The following B3GNT4 variants were observed in gnomAD, a reference collection of about 807,000 sequenced individuals.
B3GNT4 encodes UDP-GlcNAc:betaGal beta-1,3-N-acetylglucosaminyltransferase 4, also known as N-acetyllactosaminide beta-1,3-N-acetylglucosaminyltransferase 4.
A neutral mutation model predicts 2.7 loss-of-function variants in B3GNT4; 2 were observed. That is an observed-to-expected ratio of 0.73 (90% CI 0.30 to 2.31). The LOEUF is 2.31. B3GNT4 is among the 30% of genes most tolerant of loss of function. The probability of loss-of-function intolerance (pLI) is 0.12; values close to 1 mark genes in which losing one functional copy is unlikely to be tolerated. For synonymous variants in B3GNT4, 280 were observed against 203.4 expected, an observed-to-expected ratio of 1.38 and a Z score of -3.20; for missense variants, 708 against 490.9, an observed-to-expected ratio of 1.44 and a Z score of -4.18.
chr12:122,204,713 C>T (rs763678288), intron 2 of B3GNT4, 29 bp downstream of exon 2: 18 of 1,550,690 alleles, frequency 1.2e-5, no homozygotes, highest in Non-Finnish European at 1.6e-5. Context: ...CTCTGCCAGA[C>T]CCCCTTGTCC....
intron 2 of B3GNT4, chr12:122,206,027 T>A (rs1382584111): frequency 2.6e-6 from 1 of 390,198 alleles, no homozygotes; most frequent in Non-Finnish European, 4.5e-6. Context: ...CCTGGAAGAA[T>A]GGCTGGGAAC....
At position 122,206,410 on chromosome 12, in the gene B3GNT4, C is replaced by T. The variant is rs781325046; in HGVS notation, c.159C>T (p.Ala53=). ...LGCLLFLRKA[A]KPAGDPTAHQ... ...GCCTGCTCTTCCTGAGGAAGGCGGCCAAGCCCGCAGGAGACCCCACGGCCC... is the reference window on the plus strand; with the variant it reads ...GCCTGCTCTTCCTGAGGAAGGCGGCTAAGCCCGCAGGAGACCCCACGGCCC... Residue 53 remains alanine (A), a synonymous_variant, in exon 3 of 3, where the codon GCC becomes GCT. Coordinates refer to ENST00000324189, the MANE Select transcript of B3GNT4 (RefSeq NM_030765.4). 1.9e-6 allele frequency: 3 copies of T among 1,613,596 alleles called. No homozygotes were observed. Among genetic ancestry groups the T allele is most frequent in the Non-Finnish European group, 2.5e-6 (3 of 1,179,930 alleles).
At position 122,207,558 on chromosome 12, in the gene B3GNT4, T is replaced by C. The variant is rs1953951383; in HGVS notation, c.*170T>C. Reference sequence around the variant, plus strand: ...ACCCAGCTAACTTGTCCAGCATATGTTGAATGGGAGCCAAAGTGTAGCAAA... The same window carrying C: ...ACCCAGCTAACTTGTCCAGCATATGCTGAATGGGAGCCAAAGTGTAGCAAA... On this transcript the variant is annotated 3_prime_UTR_variant, in exon 3 of 3. Transcript: ENST00000324189. 2.8e-6 allele frequency: 2 copies of C among 710,970 alleles called. No individual in the cohort carries two copies. The highest frequency in any genetic ancestry group is 2.9e-5 in the Admixed American group (1 of 34,972). The allele number at this position is 710,970 out of a possible 1,614,324, so 44.0% of individuals were successfully genotyped here. A position where few individuals can be genotyped will look rare whatever the true frequency, so the allele number is the denominator to read the frequency against.
Position 122,208,366 on chromosome 12 carries a change from AGT to A in B3GNT4, c.*982_*983del. The A allele has an allele frequency of 1.2e-6, 2 of 1,611,118 alleles. No individual in the cohort carries two copies. Among genetic ancestry groups the A allele is most frequent in the Non-Finnish European group, 1.7e-6 (2 of 1,179,858 alleles). On this transcript the variant is annotated 3_prime_UTR_variant, in exon 3 of 3. Transcript: ENST00000324189. ...TCCCCACTGAGTGGGGAGACAGGGC[AGT>A]GTGCTCAGGCCCTCAATCCTCACGC...
intron 2 of B3GNT4, chr12:122,206,112 AGAG>A (rs1312701250): frequency 5.9e-6 from 3 of 504,962 alleles, no homozygotes; most frequent in Admixed American, 7.6e-5. Context: ...AGATGATGGC[AGAG>A]GAGGGCAAGG....
In B3GNT4 at chr12:122,208,445, T is replaced by G; in HGVS notation, c.*1057T>G. On this transcript the variant is annotated 3_prime_UTR_variant, in exon 3 of 3. Transcript: ENST00000324189. ...CCGCTCCTCCCCTTCCTCCTGTGTT[T>G]TCTGACGGAGCTCTTCTATCTGTGC... 1 of 1,614,070 alleles carries G rather than the reference T, an allele frequency of 6.2e-7. No individual in the cohort carries two copies.
At position 122,208,070 on chromosome 12, in the gene B3GNT4, A is replaced by G; in HGVS notation, c.*682A>G. The stretch of plus-strand genomic sequence containing the variant: ...TGCTGAACTTAAGGGCATGACAAAA[A>G]GGACTCCTCTCTCTGACCCAGGTAG... On this transcript the variant is annotated 3_prime_UTR_variant, in exon 3 of 3. Coordinates refer to ENST00000324189, the MANE Select transcript of B3GNT4 (RefSeq NM_030765.4). 3.4e-6 allele frequency: 2 copies of G among 587,982 alleles called. No individual in the cohort carries two copies. The highest frequency in any genetic ancestry group is 6.4e-6 in the Non-Finnish European group (2 of 313,648). 36.4% of individuals were successfully genotyped at this position (587,982 alleles called of 1,614,324 possible).
In B3GNT4 at chr12:122,207,483, T is replaced by C. The variant is rs1953950038; in HGVS notation, c.*95T>C. 6.4e-6 allele frequency: 8 copies of C among 1,254,818 alleles called. No homozygotes were observed. The highest frequency in any genetic ancestry group is 7.5e-6 in the Non-Finnish European group (7 of 932,990). The allele number at this position is 1,254,818 out of a possible 1,614,324, so 77.7% of individuals were successfully genotyped here. A position where few individuals can be genotyped will look rare whatever the true frequency, so the allele number is the denominator to read the frequency against. On this transcript the variant is annotated 3_prime_UTR_variant, in exon 3 of 3. Transcript: ENST00000324189. ...CTGCTGCTCTACAGAAAATGCCAAC[T>C]TGGTTTTTTAACTCCTCTCACCCTG...
Position 122,206,399 on chromosome 12 carries a change from A to G in B3GNT4, c.148A>G (p.Arg50Gly). Residue 50 changes from arginine (R) to glycine (G), a missense_variant, in exon 3 of 3, where the codon AGG (arginine) becomes GGG (glycine). Physicochemically the swap from Arg to Gly is moderately radical, Grantham distance 125. Transcript: ENST00000324189. The stretch of plus-strand genomic sequence containing the variant: ...GTTGCTCGGCTGCCTGCTCTTCCTG[A>G]GGAAGGCGGCCAAGCCCGCAGGAGA... ...VLLLGCLLFL[R>G]KAAKPAGDPT... 1 of 1,613,060 alleles carries G rather than the reference A, an allele frequency of 6.2e-7. No homozygotes were observed. Among genetic ancestry groups the G allele is most frequent in the Non-Finnish European group, 8.5e-7 (1 of 1,179,850 alleles).
Position 122,206,808 on chromosome 12 carries a change from T to C in B3GNT4, c.557T>C (p.Phe186Ser). ...REFDDILQWD[F>S]TEDFFNLTLK... ...TTTGATGACATCCTCCAGTGGGACTTCACTGAGGACTTCTTCAACCTGACG... is the reference window on the plus strand; with the variant it reads ...TTTGATGACATCCTCCAGTGGGACTCCACTGAGGACTTCTTCAACCTGACG... The change falls in exon 3 of 3, where the codon TTC becomes TCC. Residue 186 changes from phenylalanine to serine, a missense_variant. Transcript: ENST00000324189. The C allele has an allele frequency of 6.2e-7, 1 of 1,611,908 alleles. No homozygotes were observed. Among genetic ancestry groups the C allele is most frequent in the Non-Finnish European group, 8.5e-7 (1 of 1,179,030 alleles).
chr12:122,204,780 C>T, intron 2 of B3GNT4, 96 bp downstream of exon 2: 1 of 1,110,852 alleles, frequency 9.0e-7, no homozygotes, highest in South Asian at 1.4e-5. Flanking sequence ...TGGCTCACGC[C>T]TGTAGTCCCA....
Position 122,208,623 on chromosome 12 carries a change from G to C in B3GNT4, c.*1235G>C, listed in dbSNP as rs200309542. On this transcript the variant is annotated 3_prime_UTR_variant, in exon 3 of 3. Transcript: ENST00000324189. ...CGGGTTGAGCAGCCGTGCAGGGCGC[G>C]GAAGGCTCATGTGGACGTTGGCCTG... The C allele has an allele frequency of 1.3e-4, 213 of 1,591,490 alleles. No homozygotes were observed. The highest frequency in any genetic ancestry group is 1.7e-4 in the Non-Finnish European group (196 of 1,171,752).
rs977232099 is a variant in B3GNT4 at position 122,206,777 on chromosome 12, A to G, written c.526A>G (p.Arg176Gly). Reference protein sequence around the residue: ...PPAQLLAYESREFDDILQWDF... With the variant: ...PPAQLLAYESGEFDDILQWDF... ...AGCCCAGCTGCTGGCCTATGAGAGT[A>G]GGGAGTTTGATGACATCCTCCAGTG... The change falls in exon 3 of 3, where the codon AGG becomes GGG. Residue 176 changes from arginine (R) to glycine (G), a missense_variant. Coordinates refer to ENST00000324189, the MANE Select transcript of B3GNT4 (RefSeq NM_030765.4). 3 of 1,607,842 alleles carry G rather than the reference A, an allele frequency of 1.9e-6. No homozygotes were observed. The highest frequency in any genetic ancestry group is 2.5e-6 in the Non-Finnish European group (3 of 1,176,634).
At position 122,208,400 on chromosome 12, in the gene B3GNT4, GCCT is replaced by G. The variant is rs1566019585; in HGVS notation, c.*1016_*1018del. 6 of 1,612,680 alleles carry G rather than the reference GCCT, an allele frequency of 3.7e-6. No homozygotes were observed. The highest frequency in any genetic ancestry group is 4.5e-5 in the East Asian group (2 of 44,880). On this transcript the variant is annotated 3_prime_UTR_variant, in exon 3 of 3. Transcript: ENST00000324189. ...AGGCCCTCAATCCTCACGCAGGTAGGCCTCCTGCTCCGACTCAGCCCGCTCCTC... is the reference window on the plus strand; with the variant it reads ...AGGCCCTCAATCCTCACGCAGGTAGGCCTGCTCCGACTCAGCCCGCTCCTC...
chr12:122,206,014 T>C (rs1953908973), intron 2 of B3GNT4: 1 of 376,066 alleles, frequency 2.7e-6, no homozygotes, highest in African/African-American at 2.1e-5. Context: ...GGTGCTCGAG[T>C]TTCCTGGAAG....
rs746221208 is a variant in B3GNT4, at chr12:122,208,617, G to A, written c.*1229G>A. 5 of 1,596,486 alleles carry A rather than the reference G, an allele frequency of 3.1e-6. No homozygotes were observed. In the Admixed American group the frequency reaches 8.5e-5, roughly 27 times the overall value. On this transcript the variant is annotated 3_prime_UTR_variant, in exon 3 of 3. Coordinates refer to ENST00000324189, the MANE Select transcript of B3GNT4 (RefSeq NM_030765.4). Reference sequence around the variant, plus strand: ...GACAATCGGGTTGAGCAGCCGTGCAGGGCGCGGAAGGCTCATGTGGACGTT... The same window carrying A: ...GACAATCGGGTTGAGCAGCCGTGCAAGGCGCGGAAGGCTCATGTGGACGTT...
Position 122,208,929 on chromosome 12 carries a change from T to G in B3GNT4, c.*1541T>G. On this transcript the variant is annotated 3_prime_UTR_variant, in exon 3 of 3. Transcript: ENST00000324189. ...TTCTTTTTGACAAAGAGATCATGAA[T>G]AAAATTGTCAAAGATCCCTTTCATC... 1 of 377,326 alleles carries G rather than the reference T, an allele frequency of 2.7e-6. No individual in the cohort carries two copies. Among genetic ancestry groups the G allele is most frequent in the Non-Finnish European group, 5.1e-6 (1 of 195,308 alleles). 23.4% of individuals were successfully genotyped at this position (377,326 alleles called of 1,614,324 possible). A position where few individuals can be genotyped will look rare whatever the true frequency, so the allele number is the denominator to read the frequency against.
At chr12:122,205,029 A>T (rs1751567495) in intron 2 of B3GNT4, 2 of 246,456 alleles carry the variant, frequency 8.1e-6, no homozygotes, top group Admixed American at 5.2e-5. Context: ...CTGTCTCAAA[A>T]AAAACCAACA....
Position 122,208,053 on chromosome 12 carries a change from T to C in B3GNT4, c.*665T>C, listed in dbSNP as rs988904293. 11 of 562,530 alleles carry C rather than the reference T, an allele frequency of 2.0e-5. No individual in the cohort carries two copies. The highest frequency in any genetic ancestry group is 3.7e-5 in the Non-Finnish European group (11 of 297,942). 34.8% of individuals were successfully genotyped at this position (562,530 alleles called of 1,614,324 possible). A position where few individuals can be genotyped will look rare whatever the true frequency, so the allele number is the denominator to read the frequency against. Reference sequence around the variant, plus strand: ...AAAACAGGTTAAACAGTTGCTGAACTTAAGGGCATGACAAAAAGGACTCCT... The same window carrying C: ...AAAACAGGTTAAACAGTTGCTGAACCTAAGGGCATGACAAAAAGGACTCCT... On this transcript the variant is annotated 3_prime_UTR_variant, in exon 3 of 3. Coordinates refer to ENST00000324189, the MANE Select transcript of B3GNT4 (RefSeq NM_030765.4).
Sources: allele counts gnomAD v4.1 joint callset, GRCh38; gene constraint gnomAD v4.1.1; transcripts MANE v1.5; gene names NCBI Gene and HGNC (gene_info 2026-07-23, HGNC 2026-07-21).